The following TPMT variants were observed in gnomAD, a reference collection of about 807,000 sequenced individuals.
The protein encoded by TPMT is thiopurine S-methyltransferase, also known as S-adenosyl-L-methionine:thiopurine S-methyltransferase.
Under a neutral mutation model 34.2 loss-of-function variants are expected in TPMT, and 18 were observed. The observed-to-expected ratio is 0.53, with a 90% CI of 0.36 to 0.78. TPMT has a LOEUF of 0.78. TPMT is among the 30% of genes least tolerant of loss of function. The probability of loss-of-function intolerance (pLI) is 0.00; values close to 1 mark genes in which losing one functional copy is unlikely to be tolerated. For synonymous variants in TPMT, 69 were observed against 92.4 expected, an observed-to-expected ratio of 0.75 and a Z score of 1.45; for missense variants, 265 against 288.1, an observed-to-expected ratio of 0.92 and a Z score of 0.58.
rs940872616 is a variant in TPMT at position 18,138,716 on chromosome 6, A to C, written c.494+247T>G. ...AAACCAAAGCTTAGAGAAGTTGAATACTTGGACCAAGGCCACACAGCTTGA... is the reference window on the plus strand; with the variant it reads ...AAACCAAAGCTTAGAGAAGTTGAATCCTTGGACCAAGGCCACACAGCTTGA... On this transcript the variant is annotated intron_variant, in intron 6 of 8. Transcript: ENST00000309983. The surrounding 1 kb of genome is among the most constrained non-coding windows in gnomAD (Gnocchi z 4.1). Among the ~76,000 whole-genome samples, 1 of 152,232 alleles carries C rather than the reference A, an allele frequency of 6.6e-6. No individual in the cohort carries two copies. The highest frequency in any genetic ancestry group is 6.5e-5 in the Admixed American group (1 of 15,280).
intron 6 of TPMT, 138 bp from the exon 7 acceptor site, chr6:18,134,027 T>C: frequency 1.4e-6 from 1 of 702,494 alleles, no homozygotes; most frequent in South Asian, 1.7e-5. Context: ...TCACAAGAGG[T>C]TGATTCTCAT....
rs1461526213 is a variant in TPMT at position 18,145,431 on chromosome 6, G to A, written c.234-1703C>T. On this transcript the variant is annotated intron_variant, in intron 3 of 8. Coordinates refer to ENST00000309983, the MANE Select transcript of TPMT (RefSeq NM_000367.5). The surrounding 1 kb of genome is among the most constrained non-coding windows in gnomAD (Gnocchi z 5.6). ...TTAGTTCAACTGGGTGCAGTTTTCTGCTTTTACCTAAGGCTTCTTATAGAT... is the reference window on the plus strand; with the variant it reads ...TTAGTTCAACTGGGTGCAGTTTTCTACTTTTACCTAAGGCTTCTTATAGAT... Among the ~76,000 whole-genome samples, 1 of 152,138 alleles carries A rather than the reference G, an allele frequency of 6.6e-6. No individual in the cohort carries two copies. The highest frequency in any genetic ancestry group is 1.5e-5 in the Non-Finnish European group (1 of 68,012).
rs1394965867 is a variant in TPMT at position 18,145,597 on chromosome 6, A to G, written c.234-1869T>C. On this transcript the variant is annotated intron_variant, in intron 3 of 8. Coordinates refer to ENST00000309983, the MANE Select transcript of TPMT (RefSeq NM_000367.5). The surrounding 1 kb of genome is among the most constrained non-coding windows in gnomAD (Gnocchi z 5.6). ...ATCTACAAAAGAGTACGTACTTTCAATGTGGGCAGAGCATGAACTGTTTAG... is the reference window on the plus strand; with the variant it reads ...ATCTACAAAAGAGTACGTACTTTCAGTGTGGGCAGAGCATGAACTGTTTAG... 6.6e-6 allele frequency among the ~76,000 whole-genome samples: 1 copy of G among 152,238 alleles called. No individual in the cohort carries two copies. Among genetic ancestry groups the G allele is most frequent in the African/African-American group, 2.4e-5 (1 of 41,464 alleles).
chr6:18,146,009 T>A lies in TPMT; in HGVS notation c.233+1814A>T, dbSNP rs1051801915. On this transcript the variant is annotated intron_variant, in intron 3 of 8. Transcript: ENST00000309983. This position sits in a 1 kb window ranked among gnomAD's most constrained non-coding sequence, Gnocchi z 6.2. ...AACCTAAACCTAAATATCTTAAACA[T>A]TTTGTTTTAATGCTTTTTGGCCTTA... 1.3e-5 allele frequency among the ~76,000 whole-genome samples: 2 copies of A among 152,100 alleles called. No individual in the cohort carries two copies. The highest frequency in any genetic ancestry group is 2.9e-5 in the Non-Finnish European group (2 of 68,022).
chr6:18,131,873 G>T lies in TPMT; in HGVS notation c.625+260C>A, dbSNP rs1463786451. Among the ~76,000 whole-genome samples, 1 of 152,076 alleles carries T rather than the reference G, an allele frequency of 6.6e-6. No homozygotes were observed. Among genetic ancestry groups the T allele is most frequent in the Non-Finnish European group, 1.5e-5 (1 of 68,022 alleles). Reference sequence around the variant, plus strand: ...GCTCACTACACTCTCTGCCTCCCAGGTTCAAGCAATTCCCATGCCTCAGCC... The same window carrying T: ...GCTCACTACACTCTCTGCCTCCCAGTTTCAAGCAATTCCCATGCCTCAGCC... On this transcript the variant is annotated intron_variant, in intron 8 of 8. Coordinates refer to ENST00000309983, the MANE Select transcript of TPMT (RefSeq NM_000367.5). This position sits in a 1 kb window ranked among gnomAD's most constrained non-coding sequence, Gnocchi z 4.3.
chr6:18,147,921 GA>G lies in TPMT; in HGVS notation c.141-7del. 6.3e-7 allele frequency: 1 copy of G among 1,593,012 alleles called. No homozygotes were observed. Among genetic ancestry groups the G allele is most frequent in the Non-Finnish European group, 8.5e-7 (1 of 1,170,812 alleles). On this transcript the variant is annotated splice_region_variant and splice_polypyrimidine_tract_variant and intron_variant, in intron 2 of 8. Coordinates refer to ENST00000309983, the MANE Select transcript of TPMT (RefSeq NM_000367.5). ...CTAAATGCTTCTTTAATAGCCTGAA[GA>G]GGAAAAAAAAAAAGGTTTTAGGACA... is the stretch of plus-strand genomic sequence containing the variant.
Position 18,131,847 on chromosome 6 carries a change from G to A in TPMT, c.625+286C>T, listed in dbSNP as rs766428650. On this transcript the variant is annotated intron_variant, in intron 8 of 8. Coordinates refer to ENST00000309983, the MANE Select transcript of TPMT (RefSeq NM_000367.5). The surrounding 1 kb of genome is among the most constrained non-coding windows in gnomAD (Gnocchi z 4.3). ...CGCTGGAGTGCAGTGGCACAATCTT[G>A]GCTCACTACACTCTCTGCCTCCCAG... 3.3e-5 allele frequency among the ~76,000 whole-genome samples: 5 copies of A among 151,750 alleles called. No individual in the cohort carries two copies. The highest frequency in any genetic ancestry group is 5.9e-5 in the Non-Finnish European group (4 of 67,984).
Position 18,149,884 on chromosome 6 carries a change from A to G in TPMT, c.-44-713T>C, listed in dbSNP as rs1025173507. On this transcript the variant is annotated intron_variant, in intron 1 of 8. Transcript: ENST00000309983. The surrounding 1 kb of genome is among the most constrained non-coding windows in gnomAD (Gnocchi z 5.0). Reference sequence around the variant, plus strand: ...TAAATAAACTGAATTCTATCTTAATATTAGTGTTTCCTCTGCTCTCACACC... The same window carrying G: ...TAAATAAACTGAATTCTATCTTAATGTTAGTGTTTCCTCTGCTCTCACACC... Among the ~76,000 whole-genome samples the G allele has an allele frequency of 6.6e-6, 1 of 152,228 alleles. No homozygotes were observed. Among genetic ancestry groups the G allele is most frequent in the Non-Finnish European group, 1.5e-5 (1 of 68,040 alleles).
At position 18,154,106 on chromosome 6, in the gene TPMT, C is replaced by T. The variant is rs1784421173; in HGVS notation, c.-45+927G>A. Among the ~76,000 whole-genome samples, 1 of 152,138 alleles carries T rather than the reference C, an allele frequency of 6.6e-6. No individual in the cohort carries two copies. Among genetic ancestry groups the T allele is most frequent in the African/African-American group, 2.4e-5 (1 of 41,418 alleles). ...CTAATTTTTAAATATTTTGTAGAGACAGGGTCTTGCTATGTTACCCAGGCT... is the reference window on the plus strand; with the variant it reads ...CTAATTTTTAAATATTTTGTAGAGATAGGGTCTTGCTATGTTACCCAGGCT... On this transcript the variant is annotated intron_variant, in intron 1 of 8. Transcript: ENST00000309983. The surrounding 1 kb of genome is among the most constrained non-coding windows in gnomAD (Gnocchi z 4.2).
Position 18,145,369 on chromosome 6 carries a change from G to T in TPMT, c.234-1641C>A, listed in dbSNP as rs1167161536. Reference sequence around the variant, plus strand: ...AGACCTAATGCTCACTAAGGTAGCTGGGGGATGTTGGTGCATTCCATCTAT... The same window carrying T: ...AGACCTAATGCTCACTAAGGTAGCTTGGGGATGTTGGTGCATTCCATCTAT... On this transcript the variant is annotated intron_variant, in intron 3 of 8. Coordinates refer to ENST00000309983, the MANE Select transcript of TPMT (RefSeq NM_000367.5). This position sits in a 1 kb window ranked among gnomAD's most constrained non-coding sequence, Gnocchi z 5.6. Among the ~76,000 whole-genome samples, 1 of 152,192 alleles carries T rather than the reference G, an allele frequency of 6.6e-6. No individual in the cohort carries two copies. The highest frequency in any genetic ancestry group is 1.5e-5 in the Non-Finnish European group (1 of 68,036).
Position 18,128,344 on chromosome 6 carries a change from CTA to C in TPMT, c.*2322_*2323del, listed in dbSNP as rs1783864198. On this transcript the variant is annotated 3_prime_UTR_variant, in exon 9 of 9. Transcript: ENST00000309983. This position sits in a 1 kb window ranked among gnomAD's most constrained non-coding sequence, Gnocchi z 4.6. Reference sequence around the variant, plus strand: ...AAATCCTGAAAACAATTTAATTGCTCTAAAATAATTTACATGTGGTATATCTT... The same window carrying C: ...AAATCCTGAAAACAATTTAATTGCTCAAATAATTTACATGTGGTATATCTT... 1 of 152,152 alleles carries C rather than the reference CTA, an allele frequency of 6.6e-6. No homozygotes were observed. The highest frequency in any genetic ancestry group is 6.5e-5 in the Admixed American group (1 of 15,268). 9.4% of individuals were successfully genotyped at this position (152,152 alleles called of 1,614,324 possible). A position where few individuals can be genotyped will look rare whatever the true frequency, so the allele number is the denominator to read the frequency against.
intron 1 of TPMT, among the ~76,000 whole-genome samples, chr6:18,151,236 T>C (rs972217093): frequency 6.9e-6 from 1 of 145,892 alleles, no homozygotes; most frequent in East Asian, 2.0e-4. Flanking sequence ...GCGACCAAAG[T>C]GGGAGGATGG....
Position 18,150,263 on chromosome 6 carries a change from C to T in TPMT, c.-44-1092G>A, listed in dbSNP as rs1309503922. The stretch of plus-strand genomic sequence containing the variant: ...TATACTTGAAGAGATGTGTTAGCTA[C>T]AGGACCTTCACCTGTTGAGCTATTA... On this transcript the variant is annotated intron_variant, in intron 1 of 8. Coordinates refer to ENST00000309983, the MANE Select transcript of TPMT (RefSeq NM_000367.5). This position sits in a 1 kb window ranked among gnomAD's most constrained non-coding sequence, Gnocchi z 5.3. Among the ~76,000 whole-genome samples the T allele has an allele frequency of 6.6e-6, 1 of 152,224 alleles. No individual in the cohort carries two copies. The highest frequency in any genetic ancestry group is 1.5e-5 in the Non-Finnish European group (1 of 68,040).
chr6:18,152,868 C>T (rs1387798200), intron 1 of TPMT, among the ~76,000 whole-genome samples: 1 of 152,148 alleles, frequency 6.6e-6, no homozygotes, highest in East Asian at 1.9e-4. Flanking sequence ...GCTGCCCCTC[C>T]TTTTGTGCCT....
Position 18,128,995 on chromosome 6 carries a change from T to C in TPMT, c.*1673A>G, listed in dbSNP as rs947521030. The C allele has an allele frequency of 4.6e-5, 7 of 152,216 alleles. No homozygotes were observed. Among genetic ancestry groups the C allele is most frequent in the Admixed American group, 4.6e-4 (7 of 15,268 alleles). The allele number at this position is 152,216 out of a possible 1,614,324, so 9.4% of individuals were successfully genotyped here. ...ATACCTGTAATCCTAGCACTTTGGG[T>C]GGCCAAGACAGGAGGACTGCTTGAG... is the stretch of plus-strand genomic sequence containing the variant. On this transcript the variant is annotated 3_prime_UTR_variant, in exon 9 of 9. Transcript: ENST00000309983. The surrounding 1 kb of genome is among the most constrained non-coding windows in gnomAD (Gnocchi z 4.6).
chr6:18,132,089 C>G lies in TPMT; in HGVS notation c.625+44G>C. 6.2e-7 allele frequency: 1 copy of G among 1,609,964 alleles called. No homozygotes were observed. Among genetic ancestry groups the G allele is most frequent in the Non-Finnish European group, 8.5e-7 (1 of 1,176,484 alleles). Reference sequence around the variant, plus strand: ...AGCACGCCAGGCCCAAAAGAGTTAACTTGACTTTGTTTAAAAAGTTACAGC... The same window carrying G: ...AGCACGCCAGGCCCAAAAGAGTTAAGTTGACTTTGTTTAAAAAGTTACAGC... On this transcript the variant is annotated intron_variant, in intron 8 of 8. Transcript: ENST00000309983. This position sits in a 1 kb window ranked among gnomAD's most constrained non-coding sequence, Gnocchi z 4.8.
rs1783946839 is a variant in TPMT, at chr6:18,131,716, A to C, written c.625+417T>G. On this transcript the variant is annotated intron_variant, in intron 8 of 8. Coordinates refer to ENST00000309983, the MANE Select transcript of TPMT (RefSeq NM_000367.5). This position sits in a 1 kb window ranked among gnomAD's most constrained non-coding sequence, Gnocchi z 4.3. ...TTCTAAGATAAAACAACTTTCAATA[A>C]AATGGTCTTTATCTTTTAAATTTTA... Among the ~76,000 whole-genome samples the C allele has an allele frequency of 6.6e-6, 1 of 152,236 alleles. No individual in the cohort carries two copies. Among genetic ancestry groups the C allele is most frequent in the Non-Finnish European group, 1.5e-5 (1 of 68,052 alleles).
rs1279689694 is a variant in TPMT, at chr6:18,153,065, C to T, written c.-45+1968G>A. ...CTCAATTACTCATGGGTACTTTCCT[C>T]CTTTCATAAATATTCATGAGTCATC... On this transcript the variant is annotated intron_variant, in intron 1 of 8. Coordinates refer to ENST00000309983, the MANE Select transcript of TPMT (RefSeq NM_000367.5). The surrounding 1 kb of genome is among the most constrained non-coding windows in gnomAD (Gnocchi z 4.2). Among the ~76,000 whole-genome samples, 1 of 152,168 alleles carries T rather than the reference C, an allele frequency of 6.6e-6. No individual in the cohort carries two copies. Among genetic ancestry groups the T allele is most frequent in the Non-Finnish European group, 1.5e-5 (1 of 68,038 alleles).
chr6:18,144,809 C>T (rs1410539176), intron 3 of TPMT, among the ~76,000 whole-genome samples: 1 of 152,046 alleles, frequency 6.6e-6, no homozygotes, highest in Non-Finnish European at 1.5e-5. Context: ...CAACCTCCAC[C>T]TCCCGAGTTC....
Sources: gnomAD v4.1 joint callset for allele counts (sites outside exome capture counted in the v4.1 genomes callset) on GRCh38, gnomAD v4.1.1 for gene constraint, Gnocchi (gnomAD v3.1) non-coding constraint, MANE v1.5 for transcripts, NCBI Gene and HGNC (gene_info 2026-07-23, HGNC 2026-07-21) for gene names.